The following DTWD2 variants were observed in gnomAD, a reference collection of about 807,000 sequenced individuals.
DTWD2 encodes DTW motif tRNA-uridine aminocarboxypropyltransferase 2, also known as tRNA-uridine aminocarboxypropyltransferase 2.
DTWD2 carries 39 observed loss-of-function variants against 31.8 expected under a neutral mutation model. That is an observed-to-expected ratio of 1.22 (90% confidence interval 0.95 to 1.60). DTWD2 has a LOEUF of 1.60. DTWD2 is among the 40% of genes most tolerant of loss of function. DTWD2 has a pLI of 0.00. For missense variants in DTWD2, 515 were observed against 381.5 expected (o/e 1.35, Z -2.92); for synonymous variants, 180 against 142.8 (o/e 1.26, Z -1.86).
At chr5:118,917,875 G>C (rs564391829) in intron 4 of DTWD2, among the ~76,000 whole-genome samples, 1 of 152,014 alleles carries the variant, frequency 6.6e-6, no homozygotes. Context: ...TGAGGCAGGA[G>C]AATCGCTTGA....
intron 1 of DTWD2, among the ~76,000 whole-genome samples, chr5:118,954,809 C>T (rs548713279): frequency 1.3e-5 from 2 of 152,302 alleles, no homozygotes; most frequent in Admixed American, 6.5e-5. Flanking sequence ...GCGTGAGCCA[C>T]CGTGCCCAGC....
intron 4 of DTWD2, among the ~76,000 whole-genome samples, chr5:118,874,756 C>T (rs1158462409): frequency 6.6e-6 from 1 of 151,950 alleles, no homozygotes. Flanking sequence ...CTGAAAGAAA[C>T]GGGGAGAAAG....
intron 1 of DTWD2, chr5:118,973,727 T>C (rs1297448015): frequency 3.8e-6 from 6 of 1,577,826 alleles, no homozygotes; most frequent in African/African-American, 1.4e-5. Context: ...CCGGCAGCTT[T>C]ATCGCCAGAG....
At chr5:118,852,601 T>TG (rs1752036247) in intron 4 of DTWD2, among the ~76,000 whole-genome samples, 1 of 152,130 alleles carries the variant, frequency 6.6e-6, no homozygotes, top group Non-Finnish European at 1.5e-5. Context: ...GAAAAGGAAA[T>TG]GTTTATACAC....
intron 1 of DTWD2, among the ~76,000 whole-genome samples, chr5:118,948,413 G>A (rs563964209): frequency 9.1e-4 from 139 of 152,154 alleles, no homozygotes; most frequent in African/African-American, 3.2e-3. Flanking sequence ...CCCGGGAGGC[G>A]GAGCTTGCAG....
At chr5:118,874,401 G>A (rs922382794) in intron 4 of DTWD2, among the ~76,000 whole-genome samples, 1 of 152,122 alleles carries the variant, frequency 6.6e-6, no homozygotes, top group African/African-American at 2.4e-5. Context: ...ATATGAATAT[G>A]AACAAAGTTT....
Position 118,861,633 on chromosome 5 carries a change from A to G in DTWD2, c.598-13415T>C, listed in dbSNP as rs535270853. 3.6e-3 allele frequency among the ~76,000 whole-genome samples: 543 copies of G among 152,286 alleles called. 4 individuals carry two copies. Among genetic ancestry groups the G allele is most frequent in the African/African-American group, 0.012 (502 of 41,562 alleles). On this transcript the variant is annotated intron_variant, in intron 4 of 5. Transcript: ENST00000510708. Reference sequence around the variant, plus strand: ...TATTTCTCAGTATTTTTTTCTTTCAATAAACATTTATTGAGTACCAACTAT... The same window carrying G: ...TATTTCTCAGTATTTTTTTCTTTCAGTAAACATTTATTGAGTACCAACTAT...
chr5:118,988,317 C>T lies in DTWD2; in HGVS notation c.195G>A (p.Arg65=), dbSNP rs746112114. Residue 65 remains arginine, a synonymous_variant, in exon 1 of 6, where the codon CGG becomes CGA. Transcript: ENST00000510708. ...ACCTGCAGCGGGTGCACTCAGGCCT[C>T]CGCTCGGCCGGCTCCACCGGCAGCT... The part of the protein sequence containing the change: ...LWELPVEPAE[R]RPECTRCSRP... 3.9e-6 allele frequency: 6 copies of T among 1,530,446 alleles called. No homozygotes were observed. In the Admixed American group the frequency reaches 6.1e-5, roughly 16 times the overall value. The allele number at this position is 1,530,446 out of a possible 1,614,324, so 94.8% of individuals were successfully genotyped here. A position where few individuals can be genotyped will look rare whatever the true frequency, so the allele number is the denominator to read the frequency against.
intron 1 of DTWD2, among the ~76,000 whole-genome samples, chr5:118,984,295 A>G (rs1755372053): frequency 6.6e-6 from 1 of 151,742 alleles, no homozygotes; most frequent in Non-Finnish European, 1.5e-5. Context: ...CATCTCAAAA[A>G]AAAAAAAATA....
At chr5:118,955,708 T>A (rs949785546) in intron 1 of DTWD2, among the ~76,000 whole-genome samples, 1 of 151,768 alleles carries the variant, frequency 6.6e-6, no homozygotes, top group African/African-American at 2.4e-5. Context: ...GGCAGGAGGA[T>A]CACTTGAGCC....
chr5:118,950,213 C>CAAAAAAAA (rs764214153), intron 1 of DTWD2, among the ~76,000 whole-genome samples: 2 of 49,594 alleles, frequency 4.0e-5, no homozygotes, highest in African/African-American at 7.8e-5. Flanking sequence ...ACTCCATCTC[C>CAAAAAAAA]AAAAAAAAAA....
intron 4 of DTWD2, among the ~76,000 whole-genome samples, chr5:118,879,617 A>T (rs1432026966): frequency 6.6e-6 from 1 of 151,666 alleles, no homozygotes; most frequent in Non-Finnish European, 1.5e-5. Flanking sequence ...CTCAAAAAAA[A>T]AAAAAAAAAA....
intron 4 of DTWD2, among the ~76,000 whole-genome samples, chr5:118,887,746 G>C (rs367929405): frequency 2.2e-4 from 34 of 152,314 alleles, no homozygotes; most frequent in African/African-American, 7.7e-4. Context: ...AGCCTCCTGA[G>C]TACCTAGGAC....
At position 118,854,541 on chromosome 5, in the gene DTWD2, C is replaced by T. The variant is rs192208818; in HGVS notation, c.598-6323G>A. ...AAAAAAAAATTCTAAAGAGAATAAA[C>T]ATGTAATTTTTTAAATTATATAGTC... On this transcript the variant is annotated intron_variant, in intron 4 of 5. Coordinates refer to ENST00000510708, the MANE Select transcript of DTWD2 (RefSeq NM_173666.4). 8.6e-4 allele frequency among the ~76,000 whole-genome samples: 130 copies of T among 151,814 alleles called. 1 individual carries two copies. Among genetic ancestry groups the T allele is most frequent in the Non-Finnish European group, 1.2e-3 (79 of 67,910 alleles).
At chr5:118,919,177 G>C (rs886187487) in intron 4 of DTWD2, among the ~76,000 whole-genome samples, 5 of 152,200 alleles carry the variant, frequency 3.3e-5, no homozygotes, top group Admixed American at 2.0e-4. Context: ...ATTCCCTGTG[G>C]TGCAAAATAG....
At chr5:118,918,170 A>G (rs531984985) in intron 4 of DTWD2, among the ~76,000 whole-genome samples, 12 of 152,312 alleles carry the variant, frequency 7.9e-5, no homozygotes, top group Non-Finnish European at 1.8e-4. Context: ...TGCAGCAGAG[A>G]AGTCAGAAGC....
chr5:118,982,843 C>T (rs1295488367), intron 1 of DTWD2, among the ~76,000 whole-genome samples: 1 of 151,828 alleles, frequency 6.6e-6, no homozygotes, highest in Admixed American at 6.6e-5. Context: ...CACTCACCAC[C>T]ACGCCCGGCT....
At chr5:118,881,937 T>C (rs939264732) in intron 4 of DTWD2, among the ~76,000 whole-genome samples, 1 of 152,158 alleles carries the variant, frequency 6.6e-6, no homozygotes, top group Non-Finnish European at 1.5e-5. Context: ...AAATCTCATG[T>C]AATTTGCACA....
intron 4 of DTWD2, among the ~76,000 whole-genome samples, chr5:118,892,530 A>G (rs112854447): frequency 0.011 from 1,633 of 152,252 alleles, 33 homozygotes; most frequent in African/African-American, 0.038. Context: ...TGAAATGTAT[A>G]TTTGACAAAA....
Sources: allele counts gnomAD v4.1 joint callset (sites outside exome capture counted in the v4.1 genomes callset), GRCh38; gene constraint gnomAD v4.1.1; transcripts MANE v1.5; gene names NCBI Gene and HGNC (gene_info 2026-07-23, HGNC 2026-07-21).